Variants in DCDC1 observed in about 807,000 individuals in gnomAD.
The protein encoded by DCDC1 is doublecortin domain-containing protein 1.
A neutral mutation model predicts 178.3 loss-of-function variants in DCDC1; 200 were observed. The observed-to-expected ratio is 1.12, with a 90% CI of 1.00 to 1.26. The LOEUF is 1.26. Among genes scored for constraint, DCDC1 ranks in the 50% most tolerant of loss-of-function variants. The probability of loss-of-function intolerance (pLI) is 0.00; values close to 1 mark genes in which losing one functional copy is unlikely to be tolerated. For missense variants in DCDC1, 1,983 were observed against 1,749.2 expected, an observed-to-expected ratio of 1.13 and a Z score of -2.38; for synonymous variants, 690 against 604.8, an observed-to-expected ratio of 1.14 and a Z score of -2.07.
At chr11:30,905,254 G>T in intron 30 of DCDC1, 90 bp from the exon 31 acceptor site, 6 of 1,285,534 alleles carry the variant, frequency 4.7e-6, no homozygotes, top group Non-Finnish European at 6.4e-6. Context: ...GTGTGTATAC[G>T]TGTGTGGTGT....
At chr11:30,908,389 A>G (rs558920743) in intron 29 of DCDC1, among the ~76,000 whole-genome samples, 17 of 152,292 alleles carry the variant, frequency 1.1e-4, no homozygotes, top group African/African-American at 3.8e-4. Context: ...ACTGAGTGTC[A>G]CATAGAGACC....
chr11:30,900,427 C>A lies in DCDC1; in HGVS notation c.4582G>T (p.Asp1528Tyr). ...SVTSDSLDGI[D>Y]KSLLTLILRN... ...AGGATGAGGGTAAGCAAAGACTTGT[C>A]TATACCATCCAAACTATCGGATGTC... Residue 1528 changes from aspartate (D) to tyrosine (Y), a missense_variant, in exon 33 of 39, where the codon GAC becomes TAC. Asp to Tyr is a radical substitution (Grantham distance 160). Coordinates refer to ENST00000684477, the MANE Select transcript of DCDC1 (RefSeq NM_001387274.1). 6.3e-7 allele frequency: 1 copy of A among 1,577,518 alleles called. No homozygotes were observed. The highest frequency in any genetic ancestry group is 1.7e-4 in the Middle Eastern group (1 of 5,998).
rs372402172 is a variant in DCDC1 at position 31,091,474 on chromosome 11, C to G, written c.2156G>C (p.Cys719Ser). The G allele has an allele frequency of 1.5e-4, 114 of 761,578 alleles. No homozygotes were observed. The African/African-American group carries it at 1.5e-3, about 10-fold the overall frequency. The allele number at this position is 761,578 out of a possible 1,614,324, so 47.2% of individuals were successfully genotyped here. The change falls in exon 17 of 39, where the codon TGC (cysteine) becomes TCC (serine). Residue 719 changes from cysteine (C) to serine (S), a missense_variant. Coordinates refer to ENST00000684477, the MANE Select transcript of DCDC1 (RefSeq NM_001387274.1). ...TCTGATAGGATGACCAATAGCCAGG[C>G]AGCCCTGAGTTATCGCTCGGCTCAG... is the stretch of plus-strand genomic sequence containing the variant. ...MILSRAITQG[C>S]LAIGHPIRVK...
intron 20 of DCDC1, among the ~76,000 whole-genome samples, chr11:31,062,844 G>A (rs1177739703): frequency 2.0e-5 from 3 of 149,912 alleles, no homozygotes; most frequent in Non-Finnish European, 4.4e-5. Flanking sequence ...TGTGCACAAT[G>A]TGCAGGTTTG....
At chr11:31,126,938 C>A (rs1424279661) in intron 11 of DCDC1, among the ~76,000 whole-genome samples, 3 of 152,144 alleles carry the variant, frequency 2.0e-5, no homozygotes, top group Non-Finnish European at 4.4e-5. Flanking sequence ...GACAAATAAC[C>A]AATTCACCTT....
intron 20 of DCDC1, among the ~76,000 whole-genome samples, chr11:30,980,461 C>T (rs2134788408): frequency 6.6e-6 from 1 of 152,184 alleles, no homozygotes; most frequent in Non-Finnish European, 1.5e-5. Flanking sequence ...GTGTACAACT[C>T]CTAGTACTGA....
chr11:30,947,965 C>A (rs1948158136), intron 21 of DCDC1, among the ~76,000 whole-genome samples: 1 of 152,092 alleles, frequency 6.6e-6, no homozygotes. Flanking sequence ...CCTCTCTCAC[C>A]ACTCCTATTC....
intron 6 of DCDC1, among the ~76,000 whole-genome samples, chr11:31,297,950 T>C (rs1047668026): frequency 6.6e-6 from 1 of 152,160 alleles, no homozygotes; most frequent in Admixed American, 6.5e-5. Flanking sequence ...CTCCCTGAAA[T>C]GTATAAAACC....
intron 1 of DCDC1, among the ~76,000 whole-genome samples, chr11:31,340,311 C>T (rs145997044): frequency 1.3e-5 from 2 of 152,120 alleles, no homozygotes; most frequent in Non-Finnish European, 2.9e-5. Flanking sequence ...AAGAAAATGA[C>T]TGTGTGGAGT....
chr11:31,015,513 T>C (rs1361660673), intron 20 of DCDC1, among the ~76,000 whole-genome samples: 1 of 152,180 alleles, frequency 6.6e-6, no homozygotes, highest in Non-Finnish European at 1.5e-5. Flanking sequence ...CTGTGTTCTA[T>C]CTGATGGCAT....
chr11:31,333,890 T>C (rs1023002193), intron 2 of DCDC1, among the ~76,000 whole-genome samples: 1 of 152,152 alleles, frequency 6.6e-6, no homozygotes, highest in South Asian at 2.1e-4. Flanking sequence ...ATCTTTGTGG[T>C]GTTCTCTGTA....
chr11:31,020,360 C>G (rs1427086406), intron 20 of DCDC1, among the ~76,000 whole-genome samples: 2 of 151,962 alleles, frequency 1.3e-5, no homozygotes, highest in Non-Finnish European at 2.9e-5. Flanking sequence ...ATAAATACAG[C>G]CTCCTCATCT....
intron 2 of DCDC1, among the ~76,000 whole-genome samples, chr11:31,328,970 T>A: frequency 1.4e-5 from 2 of 141,024 alleles, no homozygotes; most frequent in South Asian, 2.3e-4. Flanking sequence ...TTTTTTTTTT[T>A]TTTTGTCTGT....
intron 8 of DCDC1, among the ~76,000 whole-genome samples, chr11:31,252,784 T>C (rs1944138716): frequency 1.3e-5 from 2 of 152,030 alleles, no homozygotes; most frequent in African/African-American, 4.8e-5. Context: ...TGATAAATAT[T>C]TAAAAGAATA....
chr11:31,285,617 G>C (rs1354791462), intron 7 of DCDC1, among the ~76,000 whole-genome samples: 3 of 151,900 alleles, frequency 2.0e-5, no homozygotes, highest in South Asian at 4.1e-4. Flanking sequence ...TTAATTTTTT[G>C]TTTAAGCTTA....
At chr11:30,994,720 T>C (rs1951163585) in intron 20 of DCDC1, among the ~76,000 whole-genome samples, 1 of 144,542 alleles carries the variant, frequency 6.9e-6, no homozygotes, top group Non-Finnish European at 1.5e-5. Flanking sequence ...TAGTATATGT[T>C]ATAATATATT....
chr11:31,003,664 A>G (rs1315837090), intron 20 of DCDC1, among the ~76,000 whole-genome samples: 1 of 152,228 alleles, frequency 6.6e-6, no homozygotes, highest in Non-Finnish European at 1.5e-5. Flanking sequence ...GAATACATAT[A>G]ATATATCAGA....
chr11:30,979,510 A>G (rs1433518333), intron 20 of DCDC1, among the ~76,000 whole-genome samples: 1 of 152,212 alleles, frequency 6.6e-6, no homozygotes, highest in African/African-American at 2.4e-5. Flanking sequence ...TTCTCATTAC[A>G]GTGACCAAGG....
At chr11:31,368,689 T>A (rs1452645630) in intron 1 of DCDC1, among the ~76,000 whole-genome samples, 1 of 152,172 alleles carries the variant, frequency 6.6e-6, no homozygotes, top group East Asian at 1.9e-4. Flanking sequence ...TCTGCTTAAG[T>A]TTATCTTGAC....
Sources: gnomAD v4.1 joint callset for allele counts (sites outside exome capture counted in the v4.1 genomes callset) on GRCh38, gnomAD v4.1.1 for gene constraint, MANE v1.5 for transcripts, NCBI Gene and HGNC (gene_info 2026-07-23, HGNC 2026-07-21) for gene names.